Variants in SLC39A11 observed in about 807,000 individuals in gnomAD.
The protein encoded by SLC39A11 is zinc transporter ZIP11.
A neutral mutation model predicts 36.1 loss-of-function variants in SLC39A11; 33 were observed. That is an observed-to-expected ratio of 0.91 (90% CI 0.69 to 1.22). The LOEUF is 1.22. SLC39A11 is among the 50% of genes most tolerant of loss of function. The probability of loss-of-function intolerance (pLI) is 0.00; values close to 1 mark genes in which losing one functional copy is unlikely to be tolerated. For synonymous variants in SLC39A11, 166 were observed against 170.3 expected (o/e 0.97, Z 0.20); for missense variants, 432 against 430.3 (o/e 1.00, Z -0.03).
chr17:72,647,484 A>T lies in SLC39A11; in HGVS notation c.*100T>A. The T allele has an allele frequency of 1.1e-6, 1 of 921,512 alleles. No homozygotes were observed. The highest frequency in any genetic ancestry group is 1.7e-6 in the Non-Finnish European group (1 of 601,482). The allele number at this position is 921,512 out of a possible 1,614,324, so 57.1% of individuals were successfully genotyped here. ...TAATGAGATGAAGAAGAGAGGAAGG[A>T]AAAAAGTTTTAATGTGAAGAAAGAA... On this transcript the variant is annotated 3_prime_UTR_variant, in exon 10 of 10. Coordinates refer to ENST00000255559, the MANE Select transcript of SLC39A11 (RefSeq NM_139177.4).
chr17:72,963,229 G>GGTGC (rs2147950141), intron 4 of SLC39A11, among the ~76,000 whole-genome samples: 1 of 133,948 alleles, frequency 7.5e-6, no homozygotes, highest in South Asian at 2.3e-4. Flanking sequence ...GGAGTGCAGT[G>GGTGC]GTGCGATCCC....
At chr17:73,081,654 C>A (rs201591489) in intron 3 of SLC39A11, among the ~76,000 whole-genome samples, 1 of 64,212 alleles carries the variant, frequency 1.6e-5, no homozygotes, top group Non-Finnish European at 3.5e-5. Flanking sequence ...CACACACACA[C>A]ACACACACAC....
chr17:73,030,432 T>C (rs2058702958), intron 4 of SLC39A11, among the ~76,000 whole-genome samples: 1 of 152,216 alleles, frequency 6.6e-6, no homozygotes, highest in Non-Finnish European at 1.5e-5. Flanking sequence ...CCATCATTCC[T>C]TCTCTTTCTC....
intron 4 of SLC39A11, among the ~76,000 whole-genome samples, chr17:73,030,142 C>G (rs2058693201): frequency 6.6e-6 from 1 of 152,216 alleles, no homozygotes; most frequent in Non-Finnish European, 1.5e-5. Flanking sequence ...AATGCCACGG[C>G]TGATCTGACA....
intron 1 of SLC39A11, chr17:73,091,718 G>A (rs2060929905): frequency 6.6e-6 from 1 of 152,164 alleles, no homozygotes. Flanking sequence ...AATTCCTCAC[G>A]ATGGGGATAT....
intron 7 of SLC39A11, among the ~76,000 whole-genome samples, chr17:72,711,562 G>A (rs1257436399): frequency 2.6e-5 from 4 of 152,174 alleles, no homozygotes; most frequent in African/African-American, 9.6e-5. Flanking sequence ...TATAAATTTG[G>A]ATTCTGTTAC....
chr17:72,967,997 A>G (rs2087141981), intron 4 of SLC39A11, among the ~76,000 whole-genome samples: 1 of 150,976 alleles, frequency 6.6e-6, no homozygotes, highest in Non-Finnish European at 1.5e-5. Context: ...CCCAGACCCC[A>G]GCCTCCTTCT....
chr17:72,714,134 T>C (rs183188313), intron 7 of SLC39A11, among the ~76,000 whole-genome samples: 9 of 152,284 alleles, frequency 5.9e-5, no homozygotes, highest in African/African-American at 2.2e-4. Flanking sequence ...GGCGGGTGGA[T>C]GACCTGAAGT....
In SLC39A11 at chr17:72,752,042, T is replaced by C. The variant is rs777898951; in HGVS notation, c.602-15323A>G. 1.7e-4 allele frequency among the ~76,000 whole-genome samples: 26 copies of C among 152,200 alleles called. 1 individual carries two copies. The highest frequency in any genetic ancestry group is 3.4e-4 in the Non-Finnish European group (23 of 68,024). ...CAGAGCAGGACTCACACAGTATCTG[T>C]GATGCCCTCTTTCTTATGTCATATT... On this transcript the variant is annotated intron_variant, in intron 6 of 9. Coordinates refer to ENST00000255559, the MANE Select transcript of SLC39A11 (RefSeq NM_139177.4).
chr17:72,904,459 T>A (rs1231019320), intron 5 of SLC39A11, among the ~76,000 whole-genome samples: 1 of 152,154 alleles, frequency 6.6e-6, no homozygotes, highest in Admixed American at 6.5e-5. Flanking sequence ...AAGCAAATCC[T>A]ATCAGCTTCA....
At chr17:72,936,410 G>GAAAAAAAAAAAAAAA (rs2084755505) in intron 5 of SLC39A11, among the ~76,000 whole-genome samples, 1 of 2,542 alleles carries the variant, frequency 3.9e-4, no homozygotes, top group African/African-American at 1.2e-3. Context: ...CTGAAAAAAA[G>GAAAAAAAAAAAAAAA]TAAAAAAAAA....
chr17:72,725,671 C>T (rs1307571229), intron 7 of SLC39A11: 1 of 152,190 alleles, frequency 6.6e-6, no homozygotes, highest in Non-Finnish European at 1.5e-5. Flanking sequence ...GTGGCGCCGT[C>T]TGTCCACCGC....
intron 5 of SLC39A11, among the ~76,000 whole-genome samples, chr17:72,944,588 G>A (rs112336834): frequency 0.01 from 1,561 of 152,204 alleles, 26 homozygotes; most frequent in African/African-American, 0.035. Flanking sequence ...CAAGAGGCTC[G>A]TGAGTCCTTT....
At chr17:73,009,012 C>A (rs978215387) in intron 4 of SLC39A11, among the ~76,000 whole-genome samples, 2 of 142,964 alleles carry the variant, frequency 1.4e-5, no homozygotes, top group Non-Finnish European at 3.0e-5. Flanking sequence ...CAGTGAGCTG[C>A]CATTGCAATG....
At chr17:72,729,427 A>T (rs1326502722) in intron 7 of SLC39A11, among the ~76,000 whole-genome samples, 4 of 2,416 alleles carry the variant, frequency 1.7e-3, no homozygotes, top group African/African-American at 3.0e-3. Flanking sequence ...ATATATATAT[A>T]TATATATATA....
In SLC39A11 at chr17:73,054,743, G is replaced by A. The variant is rs2059614163; in HGVS notation, c.148-23029C>T. ...GAATCGCTTGAACCTGAGAGGCACA[G>A]GTTGCAGTGAGCCAAGATCGTGCCA... On this transcript the variant is annotated intron_variant, in intron 3 of 9. Coordinates refer to ENST00000255559, the MANE Select transcript of SLC39A11 (RefSeq NM_139177.4). Among the ~76,000 whole-genome samples, 2 of 151,600 alleles carry A rather than the reference G, an allele frequency of 1.3e-5. 1 individual carries two copies. Among genetic ancestry groups the A allele is most frequent in the South Asian group, 4.2e-4 (2 of 4,792 alleles).
At chr17:73,035,889 A>T (rs1472297373) in intron 3 of SLC39A11, among the ~76,000 whole-genome samples, 3 of 134,882 alleles carry the variant, frequency 2.2e-5, no homozygotes, top group African/African-American at 8.0e-5. Context: ...AAAAAAAAAG[A>T]AGGGTCAGAA....
chr17:72,985,754 C>T (rs765318684), intron 4 of SLC39A11, among the ~76,000 whole-genome samples: 2 of 152,174 alleles, frequency 1.3e-5, no homozygotes, highest in African/African-American at 2.4e-5. Flanking sequence ...ATTAATCTTC[C>T]TGCAATCGAT....
At chr17:73,054,681 GC>G (rs1384602327) in intron 3 of SLC39A11, among the ~76,000 whole-genome samples, 18 of 151,828 alleles carry the variant, frequency 1.2e-4, no homozygotes, top group African/African-American at 4.1e-4. Context: ...GGTGGCATGT[GC>G]CTATAATCCC....
Sources: allele counts gnomAD v4.1 joint callset (sites outside exome capture counted in the v4.1 genomes callset), GRCh38; gene constraint gnomAD v4.1.1; transcripts MANE v1.5; gene names NCBI Gene and HGNC (gene_info 2026-07-23, HGNC 2026-07-21).